Variants in DPH7 observed in about 807,000 individuals in gnomAD.
The protein encoded by DPH7 is diphthamide biosynthesis 7.
A neutral mutation model predicts 41.7 loss-of-function variants in DPH7; 44 were observed. The ratio of observed to expected loss-of-function variants is 1.05; its 90% CI spans 0.83 to 1.36. The LOEUF (loss-of-function observed/expected upper bound fraction) is 1.36, where lower values mean the gene tolerates loss of function less well. Among genes scored for constraint, DPH7 ranks in the 40% most tolerant of loss-of-function variants. DPH7 has a pLI of 0.00. For missense variants in DPH7, 629 were observed against 577.5 expected (o/e 1.09, Z -0.91); for synonymous variants, 275 against 238.0 (o/e 1.16, Z -1.43).
chr9:137,575,043 C>T lies in DPH7; in HGVS notation c.376-200G>A. On this transcript the variant is annotated intron_variant, in intron 3 of 8. Coordinates refer to ENST00000277540, the MANE Select transcript of DPH7 (RefSeq NM_138778.5). ...GAGAAGACCTGGGGACACTGGAGCT[C>T]ACACTCCTCACACTTGCAGGACAAC... 6.6e-6 allele frequency: 9 copies of T among 1,370,730 alleles called. No individual in the cohort carries two copies. In the South Asian group the frequency reaches 1.5e-4, roughly 23 times the overall value. The allele number at this position is 1,370,730 out of a possible 1,614,324, so 84.9% of individuals were successfully genotyped here. A position where few individuals can be genotyped will look rare whatever the true frequency, so the allele number is the denominator to read the frequency against.
At position 137,564,547 on chromosome 9, in the gene DPH7, G is replaced by T. The variant is rs773172196; in HGVS notation, c.836C>A (p.Thr279Lys). ...TRNMKQPLAD[T>K]PVQGGVWRIK... ...TCTCCATACCCCACCCTGCACAGGC[G>T]TATCTGCCAACGGCTGCTTCATGTT... The change falls in exon 8 of 9, where the codon ACG (threonine) becomes AAG (lysine). Residue 279 changes from threonine to lysine, a missense_variant. Transcript: ENST00000277540. 28 of 1,614,004 alleles carry T rather than the reference G, an allele frequency of 1.7e-5. No individual in the cohort carries two copies. The highest frequency in any genetic ancestry group is 3.3e-5 in the Admixed American group (2 of 60,002).
At position 137,561,037 on chromosome 9, in the gene DPH7, A is replaced by G. The variant is rs565629151; in HGVS notation, c.949+3397T>C. ...ACCCCATCTCAAAAAAAAAAAAAAA[A>G]AAAAGAAAAAAAGAAAATCACCATT... On this transcript the variant is annotated intron_variant, in intron 8 of 8. Transcript: ENST00000277540. 5.5e-4 allele frequency among the ~76,000 whole-genome samples: 82 copies of G among 149,958 alleles called. 2 individuals carry two copies. The East Asian group carries it at 7.9e-3, about 15-fold the overall frequency.
rs568018136 is a variant in DPH7 at position 137,565,168 on chromosome 9, G to C, written c.641-14C>G. On this transcript the variant is annotated splice_polypyrimidine_tract_variant and intron_variant, in intron 5 of 8. Transcript: ENST00000277540. ...CATCGTCGCCCCCTGTGTGGAGAAAGAGAAGCATCAACACCACTAATGACA... is the reference window on the plus strand; with the variant it reads ...CATCGTCGCCCCCTGTGTGGAGAAACAGAAGCATCAACACCACTAATGACA... 4 of 1,613,792 alleles carry C rather than the reference G, an allele frequency of 2.5e-6. No homozygotes were observed. The highest frequency in any genetic ancestry group is 3.4e-6 in the Non-Finnish European group (4 of 1,179,870).
At chr9:137,577,162 A>C (rs1841555668) in intron 2 of DPH7, among the ~76,000 whole-genome samples, 2 of 152,204 alleles carry the variant, frequency 1.3e-5, no homozygotes, top group African/African-American at 2.4e-5. Flanking sequence ...CCAAAACATA[A>C]TTATGCCACA....
In DPH7 at chr9:137,574,358, T is replaced by A. The variant is rs564482270; in HGVS notation, c.490A>T (p.Ile164Phe). 6.2e-7 allele frequency: 1 copy of A among 1,614,094 alleles called. No individual in the cohort carries two copies. Among genetic ancestry groups the A allele is most frequent in the South Asian group, 1.1e-5 (1 of 91,080 alleles). ...TGCCCTGTGGAGTCACTGCTGATGA[T>A]CTTCAAGGGCTGGTCCCCGGCCCTA... ...TGRAGDQPLK[I>F]ISSDSTGQLH... Residue 164 changes from isoleucine (I) to phenylalanine (F), a missense_variant, in exon 5 of 9, where the codon ATC (isoleucine) becomes TTC (phenylalanine). Transcript: ENST00000277540.
At chr9:137,575,336 T>G (rs1841195383) in intron 3 of DPH7, 8 of 987,370 alleles carry the variant, frequency 8.1e-6, no homozygotes, top group Non-Finnish European at 9.6e-6. Flanking sequence ...AAATTTCATT[T>G]CCTAAACAGC....
chr9:137,574,901 G>T, intron 3 of DPH7, 58 bp from the exon 4 acceptor site: 1 of 1,605,234 alleles, frequency 6.2e-7, no homozygotes, highest in Non-Finnish European at 8.5e-7. Context: ...ACCCCCAAAA[G>T]ACTTTTCCTC....
intron 8 of DPH7, among the ~76,000 whole-genome samples, chr9:137,561,021 C>CA (rs869251490): frequency 0.022 from 1,765 of 80,456 alleles, 40 homozygotes; most frequent in African/African-American, 0.043. Flanking sequence ...GACCCCATCT[C>CA]AAAAAAAAAA....
At chr9:137,577,129 T>C (rs1179608377) in intron 2 of DPH7, among the ~76,000 whole-genome samples, 3 of 151,964 alleles carry the variant, frequency 2.0e-5, no homozygotes, top group Non-Finnish European at 4.4e-5. Context: ...GGCACCACCA[T>C]GGTATACGTG....
chr9:137,572,717 C>G (rs1328645187), intron 5 of DPH7, among the ~76,000 whole-genome samples: 1 of 152,232 alleles, frequency 6.6e-6, no homozygotes, highest in Non-Finnish European at 1.5e-5. Context: ...TTCCTGGAAA[C>G]ACCAGTTGTT....
At chr9:137,564,669 C>T (rs1839252693) in intron 7 of DPH7, 63 bp from the exon 8 acceptor site, 2 of 1,571,322 alleles carry the variant, frequency 1.3e-6, no homozygotes, top group African/African-American at 1.4e-5. Context: ...TCCACAAGGC[C>T]CCTGGGGGGC....
At chr9:137,571,869 A>C (rs1840494705) in intron 5 of DPH7, among the ~76,000 whole-genome samples, 1 of 152,212 alleles carries the variant, frequency 6.6e-6, no homozygotes, top group South Asian at 2.1e-4. Flanking sequence ...AAAGTATTCT[A>C]ATCACCTAGA....
chr9:137,568,877 T>A (rs1465332678), intron 5 of DPH7, among the ~76,000 whole-genome samples: 5 of 152,066 alleles, frequency 3.3e-5, no homozygotes, highest in African/African-American at 1.2e-4. Context: ...CTCCAGTGAA[T>A]AAAGCCCTGG....
intron 1 of DPH7, 38 bp downstream of exon 1, chr9:137,578,587 G>T (rs1841857447): frequency 7.0e-7 from 1 of 1,433,390 alleles, no homozygotes; most frequent in Non-Finnish European, 9.1e-7. Flanking sequence ...CCTCGTGGCC[G>T]GCCCCGCCCT....
rs376639416 is a variant in DPH7 at position 137,574,745 on chromosome 9, C to T, written c.467+7G>A. The T allele has an allele frequency of 1.9e-6, 3 of 1,612,784 alleles. No individual in the cohort carries two copies. The highest frequency in any genetic ancestry group is 1.1e-5 in the South Asian group (1 of 90,246). On this transcript the variant is annotated splice_region_variant and intron_variant, in intron 4 of 8. Transcript: ENST00000277540. ...ACTCAGGACCCCTGACCAAGCCTGG[C>T]CCTTACCTTCCAGTTTTCCCAGTGG...
In DPH7 at chr9:137,578,810, T is replaced by C; in HGVS notation, c.-33A>G. 1 of 1,407,490 alleles carries C rather than the reference T, an allele frequency of 7.1e-7. No individual in the cohort carries two copies. Among genetic ancestry groups the C allele is most frequent in the Non-Finnish European group, 9.3e-7 (1 of 1,076,694 alleles). 87.2% of individuals were successfully genotyped at this position (1,407,490 alleles called of 1,614,324 possible). A position where few individuals can be genotyped will look rare whatever the true frequency, so the allele number is the denominator to read the frequency against. On this transcript the variant is annotated 5_prime_UTR_variant, in exon 1 of 9. Coordinates refer to ENST00000277540, the MANE Select transcript of DPH7 (RefSeq NM_138778.5). ...TCGGGGAAGGGCGCGGAGCCGGCAG[T>C]AGAGGCGGGTCGGCGGGGCCGGGCT... is the stretch of plus-strand genomic sequence containing the variant.
chr9:137,575,464 T>C, intron 3 of DPH7: 1 of 988,618 alleles, frequency 1.0e-6, no homozygotes, highest in East Asian at 1.1e-4. Flanking sequence ...CTTTCCCTCC[T>C]TTCTAAGACA....
intron 8 of DPH7, among the ~76,000 whole-genome samples, chr9:137,559,135 C>T (rs546050690): frequency 6.6e-6 from 1 of 152,276 alleles, no homozygotes; most frequent in East Asian, 1.9e-4. Flanking sequence ...GTAGTAATTA[C>T]TCTTTATCCC....
In DPH7 at chr9:137,574,359, C is replaced by T. The variant is rs1409316597; in HGVS notation, c.489G>A (p.Lys163=). The part of the protein sequence containing the change: ...KTGRAGDQPL[K]IISSDSTGQL... ...GCCCTGTGGAGTCACTGCTGATGAT[C>T]TTCAAGGGCTGGTCCCCGGCCCTAG... Residue 163 remains lysine, a synonymous_variant, in exon 5 of 9, where the codon AAG becomes AAA. Coordinates refer to ENST00000277540, the MANE Select transcript of DPH7 (RefSeq NM_138778.5). The T allele has an allele frequency of 6.2e-7, 1 of 1,614,030 alleles. No homozygotes were observed. Among genetic ancestry groups the T allele is most frequent in the East Asian group, 2.2e-5 (1 of 44,902 alleles).
Sources: gnomAD v4.1 joint callset for allele counts (sites outside exome capture counted in the v4.1 genomes callset) on GRCh38, gnomAD v4.1.1 for gene constraint, MANE v1.5 for transcripts, NCBI Gene and HGNC (gene_info 2026-07-23, HGNC 2026-07-21) for gene names.